ADGRL3: variants seen among roughly 807,000 people sequenced by gnomAD.
ADGRL3 encodes adhesion G protein-coupled receptor L3, also known as calcium-independent alpha-latrotoxin receptor 3.
Under a neutral mutation model 153.5 loss-of-function variants are expected in ADGRL3, and 62 were observed. That is an observed-to-expected ratio of 0.40 (90% CI 0.33 to 0.50). The LOEUF (loss-of-function observed/expected upper bound fraction) is 0.50, where lower values mean the gene tolerates loss of function less well. ADGRL3 is among the 20% of genes least tolerant of loss of function. The pLI is 0.47. For missense variants in ADGRL3, 1,641 were observed against 1,859.4 expected, an observed-to-expected ratio of 0.88 and a Z score of 2.16; for synonymous variants, 710 against 672.5, an observed-to-expected ratio of 1.06 and a Z score of -0.86.
chr4:61,693,002 C>T (rs2095568366), intron 6 of ADGRL3, among the ~76,000 whole-genome samples: 1 of 151,900 alleles, frequency 6.6e-6, no homozygotes, highest in South Asian at 2.1e-4. Context: ...AACCAAATTA[C>T]TTTGATTTGT....
chr4:61,421,952 T>C (rs1338582131), intron 2 of ADGRL3, among the ~76,000 whole-genome samples: 1 of 152,180 alleles, frequency 6.6e-6, no homozygotes, highest in Non-Finnish European at 1.5e-5. Context: ...TCCTTCATCA[T>C]TCATCTATTC....
chr4:61,559,799 T>C (rs2098786538), intron 4 of ADGRL3, among the ~76,000 whole-genome samples: 1 of 150,766 alleles, frequency 6.6e-6, no homozygotes, highest in South Asian at 2.1e-4. Context: ...ATGGGGTACT[T>C]AGGCAAAACC....
intron 1 of ADGRL3, among the ~76,000 whole-genome samples, chr4:61,297,366 T>G (rs2150277115): frequency 6.6e-6 from 1 of 152,256 alleles, no homozygotes; most frequent in South Asian, 2.1e-4. Flanking sequence ...GTGCCTCATA[T>G]AATATATGCT....
chr4:61,661,236 A>G (rs1372139722), intron 5 of ADGRL3, among the ~76,000 whole-genome samples: 3 of 152,100 alleles, frequency 2.0e-5, no homozygotes, highest in East Asian at 1.9e-4. Context: ...AGCATTGTCA[A>G]TATCCTGACA....
At chr4:61,466,231 C>T (rs2097882807) in intron 2 of ADGRL3, among the ~76,000 whole-genome samples, 3 of 152,182 alleles carry the variant, frequency 2.0e-5, no homozygotes, top group Admixed American at 1.3e-4. Context: ...ATAATTTCCA[C>T]TACCTGTTTC....
chr4:61,434,307 A>G (rs1412176265), intron 2 of ADGRL3, among the ~76,000 whole-genome samples: 1 of 152,094 alleles, frequency 6.6e-6, no homozygotes, highest in African/African-American at 2.4e-5. Context: ...GTATTAATTG[A>G]CACAGATATT....
chr4:61,232,639 A>C (rs1435148426), intron 1 of ADGRL3, among the ~76,000 whole-genome samples: 2 of 151,956 alleles, frequency 1.3e-5, no homozygotes, highest in African/African-American at 4.8e-5. Context: ...GAACAAGCTT[A>C]CTCATTTTTA....
rs762094230 is a variant in ADGRL3, at chr4:61,909,687, T to C, written c.2015T>C (p.Val672Ala). ...GACCAGCTGGTAGGCCTCCTAGATG[T>C]ACAGCTTCGGAACTTGACCCCAGGT... Reference protein sequence around the residue: ...AMDQLVGLLDVQLRNLTPGGK... With the variant: ...AMDQLVGLLDAQLRNLTPGGK... The change falls in exon 12 of 27, where the codon GTA (valine) becomes GCA (alanine). Residue 672 changes from valine (V) to alanine (A), a missense_variant. By Grantham distance (64) the Val-to-Ala change is moderately conservative. Transcript: ENST00000683033. The C allele has an allele frequency of 1.9e-6, 3 of 1,598,288 alleles. No homozygotes were observed. In the East Asian group the frequency reaches 6.8e-5, roughly 36 times the overall value.
intron 17 of ADGRL3, among the ~76,000 whole-genome samples, chr4:61,973,891 G>A (rs942296933): frequency 6.6e-6 from 1 of 152,008 alleles, no homozygotes; most frequent in Non-Finnish European, 1.5e-5. Context: ...GCAATTGTAC[G>A]GTAATCAAGA....
intron 8 of ADGRL3, among the ~76,000 whole-genome samples, chr4:61,748,346 T>G (rs1282016560): frequency 1.3e-5 from 2 of 152,030 alleles, no homozygotes; most frequent in Admixed American, 1.3e-4. Flanking sequence ...TCCACAGAAC[T>G]GGAAAAAAAC....
chr4:61,630,454 CTG>C (rs1200522604), intron 5 of ADGRL3, among the ~76,000 whole-genome samples: 1 of 152,190 alleles, frequency 6.6e-6, no homozygotes, highest in African/African-American at 2.4e-5. Context: ...GGGACAAAAA[CTG>C]TAAAGATATC....
intron 11 of ADGRL3, among the ~76,000 whole-genome samples, chr4:61,899,903 A>G (rs1277325792): frequency 3.3e-5 from 5 of 152,098 alleles, no homozygotes; most frequent in African/African-American, 1.2e-4. Flanking sequence ...TGTCCTCATG[A>G]TCTAATCCCT....
intron 2 of ADGRL3, among the ~76,000 whole-genome samples, chr4:61,485,977 T>G (rs374448369): frequency 1.3e-5 from 2 of 152,128 alleles, no homozygotes; most frequent in East Asian, 3.9e-4. Flanking sequence ...GGAGTCTCGC[T>G]CTGTCGCCCC....
chr4:61,482,027 A>G (rs185023844), intron 2 of ADGRL3, among the ~76,000 whole-genome samples: 2 of 152,310 alleles, frequency 1.3e-5, no homozygotes, highest in Non-Finnish European at 2.9e-5. Flanking sequence ...GTCCAAAAAG[A>G]AAGAAGAAAA....
At chr4:61,831,360 C>T (rs1442149680) in intron 9 of ADGRL3, among the ~76,000 whole-genome samples, 1 of 127,168 alleles carries the variant, frequency 7.9e-6, no homozygotes, top group Non-Finnish European at 1.6e-5. Flanking sequence ...TTGGAGATGT[C>T]TTCAACAGCT....
chr4:61,716,804 G>A (rs902009561), intron 6 of ADGRL3, among the ~76,000 whole-genome samples: 6 of 152,116 alleles, frequency 3.9e-5, no homozygotes, highest in African/African-American at 7.2e-5. Flanking sequence ...GAAACTATGC[G>A]TGTTTTGAAA....
At chr4:61,704,121 A>G (rs1291666523) in intron 6 of ADGRL3, among the ~76,000 whole-genome samples, 1 of 152,190 alleles carries the variant, frequency 6.6e-6, no homozygotes, top group Non-Finnish European at 1.5e-5. Context: ...TAAAAATTAT[A>G]ATTGCTAATG....
intron 2 of ADGRL3, chr4:61,425,336 A>G (rs761761828): frequency 6.6e-6 from 1 of 152,240 alleles, no homozygotes; most frequent in Non-Finnish European, 1.5e-5. Flanking sequence ...GGCATCGCCC[A>G]TGGGACCCCA....
intron 5 of ADGRL3, among the ~76,000 whole-genome samples, chr4:61,637,978 G>T (rs1445536566): frequency 6.6e-6 from 1 of 152,132 alleles, no homozygotes; most frequent in African/African-American, 2.4e-5. Context: ...GATAATAACT[G>T]TCAGTTTCTC....
Sources: allele counts gnomAD v4.1 joint callset (sites outside exome capture counted in the v4.1 genomes callset), GRCh38; gene constraint gnomAD v4.1.1; transcripts MANE v1.5; gene names NCBI Gene and HGNC (gene_info 2026-07-23, HGNC 2026-07-21).